Variants in DGUOK observed in about 807,000 individuals in gnomAD.
The protein encoded by DGUOK is deoxyguanosine kinase, mitochondrial.
In DGUOK, 30 loss-of-function variants were observed where a neutral mutation model predicts 36.6. The observed-to-expected ratio is 0.82, with a 90% CI of 0.61 to 1.11. The LOEUF (loss-of-function observed/expected upper bound fraction) is 1.11. DGUOK is among the 50% of genes most tolerant of loss of function. The pLI, the probability that DGUOK is intolerant of heterozygous loss-of-function variation, is 0.00. For missense variants in DGUOK, 361 were observed against 336.4 expected, an observed-to-expected ratio of 1.07 and a Z score of -0.57; for synonymous variants, 145 against 126.3, an observed-to-expected ratio of 1.15 and a Z score of -0.99.
intron 2 of DGUOK, among the ~76,000 whole-genome samples, chr2:73,939,938 G>T (rs1300169529): frequency 8.3e-5 from 11 of 132,712 alleles, no homozygotes; most frequent in Non-Finnish European, 9.4e-5. Flanking sequence ...GTCTCATTCT[G>T]TCACCCAGGC....
chr2:73,958,025 T>G, intron 5 of DGUOK, 121 bp from the exon 6 acceptor site: 1 of 780,156 alleles, frequency 1.3e-6, no homozygotes, highest in Non-Finnish European at 2.2e-6. Context: ...TACATGCAGT[T>G]TCTTTGAAAA....
chr2:73,934,808 C>G (rs1002191247), intron 1 of DGUOK, among the ~76,000 whole-genome samples: 1 of 149,310 alleles, frequency 6.7e-6, no homozygotes, highest in African/African-American at 2.5e-5. Flanking sequence ...CGCAGTGGCT[C>G]ACGCCTGTAA....
At chr2:73,946,621 A>C (rs1682325654) in intron 2 of DGUOK, 98 bp from the exon 3 acceptor site, 2 of 1,102,382 alleles carry the variant, frequency 1.8e-6, no homozygotes, top group South Asian at 2.5e-5. Context: ...TTGATTATTA[A>C]ACCTGTTTGG....
At chr2:73,938,862 T>TAC in intron 1 of DGUOK, 48 bp from the exon 2 acceptor site, 22 of 1,299,864 alleles carry the variant, frequency 1.7e-5, no homozygotes, top group Non-Finnish European at 2.2e-5. Flanking sequence ...GCCTTCTCCT[T>TAC]CAGCCCTGAT....
rs867729278 is a variant in DGUOK, at chr2:73,952,632, G to T, written c.591+1900G>T. Among the ~76,000 whole-genome samples the T allele has an allele frequency of 1.5e-4, 23 of 152,356 alleles. No homozygotes were observed. In the Middle Eastern group the frequency reaches 0.01, roughly 68 times the overall value. On this transcript the variant is annotated intron_variant, in intron 4 of 6. Transcript: ENST00000264093. ...GGACGAGCTGAGCATTAGGAGAAGT[G>T]AGAATGCTGACTTAACCTTTTCCAA... is the stretch of plus-strand genomic sequence containing the variant.
intron 4 of DGUOK, among the ~76,000 whole-genome samples, chr2:73,953,057 TC>T (rs2104975008): frequency 6.6e-6 from 1 of 152,102 alleles, no homozygotes; most frequent in East Asian, 1.9e-4. Flanking sequence ...CTTTATAACA[TC>T]CCACTCTCAT....
chr2:73,932,681 T>C lies in DGUOK; in HGVS notation c.142+5629T>C, dbSNP rs1035515287. 7 of 1,284,632 alleles carry C rather than the reference T, an allele frequency of 5.4e-6. No individual in the cohort carries two copies. The African/African-American group carries it at 9.2e-5, about 17-fold the overall frequency. The allele number at this position is 1,284,632 out of a possible 1,614,324, so 79.6% of individuals were successfully genotyped here. A position where few individuals can be genotyped will look rare whatever the true frequency, so the allele number is the denominator to read the frequency against. On this transcript the variant is annotated intron_variant, in intron 1 of 6. Transcript: ENST00000264093. ...GGTGAACCCCTGTCCTGACCAAAAT[T>C]GGGTATGTTTAGAGGGCTTTTCTTG...
At chr2:73,946,394 CCAGA>C (rs1682305974) in intron 2 of DGUOK, among the ~76,000 whole-genome samples, 2 of 152,146 alleles carry the variant, frequency 1.3e-5, no homozygotes, top group Non-Finnish European at 2.9e-5. Context: ...TAACTCCTCC[CCAGA>C]CAGACTTCAC....
intron 4 of DGUOK, among the ~76,000 whole-genome samples, chr2:73,954,616 C>G (rs1682955520): frequency 6.6e-6 from 1 of 152,056 alleles, no homozygotes; most frequent in African/African-American, 2.4e-5. Context: ...TGCAGCTGAT[C>G]AATGTACATC....
At chr2:73,937,920 A>G (rs1681592209) in intron 1 of DGUOK, among the ~76,000 whole-genome samples, 1 of 152,188 alleles carries the variant, frequency 6.6e-6, no homozygotes. Context: ...GCTTCAGCCC[A>G]TTCTTACACA....
intron 1 of DGUOK, among the ~76,000 whole-genome samples, chr2:73,928,565 G>A (rs1044830010): frequency 7.9e-5 from 12 of 152,254 alleles, no homozygotes; most frequent in Non-Finnish European, 8.8e-5. Context: ...CAATTGGAAA[G>A]GCCCTGAGGT....
In DGUOK at chr2:73,939,027, GTT is replaced by G; in HGVS notation, c.255+9_255+10del. ...CAGGCTGCTGGCACCCAAAAAGTAA[GTT>G]TTTAGTTGTGGTGGGTAGTTGGCAG... On this transcript the variant is annotated splice_donor_region_variant and intron_variant, in intron 2 of 6. Coordinates refer to ENST00000264093, the MANE Select transcript of DGUOK (RefSeq NM_080916.3). The G allele has an allele frequency of 6.2e-7, 1 of 1,602,594 alleles. No individual in the cohort carries two copies. The highest frequency in any genetic ancestry group is 8.6e-7 in the Non-Finnish European group (1 of 1,169,524).
chr2:73,949,766 T>G (rs1395736617), intron 3 of DGUOK, among the ~76,000 whole-genome samples: 1 of 152,236 alleles, frequency 6.6e-6, no homozygotes, highest in Non-Finnish European at 1.5e-5. Context: ...ATTGTGTTTT[T>G]TATTAAAATG....
chr2:73,953,613 A>C (rs1682857860), intron 4 of DGUOK, among the ~76,000 whole-genome samples: 1 of 151,964 alleles, frequency 6.6e-6, no homozygotes, highest in East Asian at 1.9e-4. Flanking sequence ...AAGCTGTGCA[A>C]GTGCCCAATC....
chr2:73,935,667 G>T lies in DGUOK; in HGVS notation c.143-3243G>T, dbSNP rs1420529110. On this transcript the variant is annotated intron_variant, in intron 1 of 6. Transcript: ENST00000264093. ...TACTGCCCTGTAGTGAATTACCCAG[G>T]CTCTCCAAGGCTGAGAAACATGGAT... 2.0e-5 allele frequency among the ~76,000 whole-genome samples: 3 copies of T among 152,160 alleles called. No homozygotes were observed. The East Asian group carries it at 5.8e-4, about 29-fold the overall frequency.
At position 73,958,828 on chromosome 2, in the gene DGUOK, G is replaced by T. The variant is rs1247135109; in HGVS notation, c.*92G>T. The T allele has an allele frequency of 3.7e-6, 4 of 1,072,884 alleles. No homozygotes were observed. The African/African-American group carries it at 6.2e-5, about 17-fold the overall frequency. 66.5% of individuals were successfully genotyped at this position (1,072,884 alleles called of 1,614,324 possible). The stretch of plus-strand genomic sequence containing the variant: ...TCTCCCAACCACCTTTCCATCCCCA[G>T]CCCCTCTCATCCCTGGAGCACTCTG... On this transcript the variant is annotated 3_prime_UTR_variant, in exon 7 of 7. Transcript: ENST00000264093.
chr2:73,929,691 A>G (rs867593850), intron 1 of DGUOK, among the ~76,000 whole-genome samples: 1 of 152,296 alleles, frequency 6.6e-6, no homozygotes, highest in Middle Eastern at 3.4e-3. Flanking sequence ...TGAAGAAGGT[A>G]TTCAGTGGGA....
chr2:73,938,191 T>G (rs750299381), intron 1 of DGUOK, among the ~76,000 whole-genome samples: 3 of 152,206 alleles, frequency 2.0e-5, no homozygotes, highest in Non-Finnish European at 4.4e-5. Flanking sequence ...TGTCAAGTTC[T>G]TTCTCTCTTT....
intron 5 of DGUOK, among the ~76,000 whole-genome samples, chr2:73,957,631 A>G (rs935006423): frequency 6.6e-6 from 1 of 152,208 alleles, no homozygotes; most frequent in Non-Finnish European, 1.5e-5. Context: ...CCGAGATCGC[A>G]CCACTGTACT....
Sources: gnomAD v4.1 joint callset for allele counts (sites outside exome capture counted in the v4.1 genomes callset) on GRCh38, gnomAD v4.1.1 for gene constraint, MANE v1.5 for transcripts, NCBI Gene and HGNC (gene_info 2026-07-23, HGNC 2026-07-21) for gene names.